Variants in GSDMD observed in about 807,000 individuals in gnomAD.
GSDMD encodes the protein gasdermin D, also known as gasdermin-D.
GSDMD carries 46 observed loss-of-function variants against 46.7 expected under a neutral mutation model. That is an observed-to-expected ratio of 0.99 (90% confidence interval 0.78 to 1.26). The LOEUF (loss-of-function observed/expected upper bound fraction) is 1.26, where lower values mean the gene tolerates loss of function less well. Among genes scored for constraint, GSDMD ranks in the 50% most tolerant of loss-of-function variants. The pLI, the probability that GSDMD is intolerant of heterozygous loss-of-function variation, is 0.00. For missense variants in GSDMD, 649 were observed against 638.8 expected, an observed-to-expected ratio of 1.02 and a Z score of -0.17; for synonymous variants, 307 against 283.1, an observed-to-expected ratio of 1.08 and a Z score of -0.85.
chr8:143,562,076 A>G lies in GSDMD; in HGVS notation c.941A>G (p.Glu314Gly). 6.3e-7 allele frequency: 1 copy of G among 1,595,940 alleles called. No homozygotes were observed. The highest frequency in any genetic ancestry group is 1.3e-5 in the African/African-American group (1 of 74,878). The change falls in exon 8 of 11, where the codon GAG (glutamate) becomes GGG (glycine). Residue 314 changes from glutamate to glycine, a missense_variant. Physicochemically the swap from Glu to Gly is moderately conservative, Grantham distance 98. Coordinates refer to ENST00000262580, the MANE Select transcript of GSDMD (RefSeq NM_024736.7). ...AGAGAGCTGTGCCAGCTGCTGCTGG[A>G]GGGCCTGGAGGGGGTGCTGCGGGAC... ...LDRELCQLLL[E>G]GLEGVLRDQL...
intron 5 of GSDMD, 51 bp downstream of exon 5, chr8:143,561,155 G>A (rs760250661): frequency 6.6e-7 from 1 of 1,520,394 alleles, no homozygotes; most frequent in Non-Finnish European, 9.1e-7. Context: ...AGAGAAACAG[G>A]GAGGCCTGGG....
At position 143,561,749 on chromosome 8, in the gene GSDMD, G is replaced by A. The variant is rs145721470; in HGVS notation, c.744G>A (p.Lys248=). ...RTFQPPATGH[K]RSTSEGAWPQ... ...TCCCATGCCCCTGCCCAGGCCACAA[G>A]CGTTCCACGAGCGAAGGCGCCTGGC... The change falls in exon 7 of 11, where the codon AAG becomes AAA. Residue 248 remains lysine (K), a synonymous_variant. Transcript: ENST00000262580. 8.0e-4 allele frequency: 1,284 copies of A among 1,607,122 alleles called. 1 individual carries two copies. Among genetic ancestry groups the A allele is most frequent in the Non-Finnish European group, 1.0e-3 (1,227 of 1,177,480 alleles).
chr8:143,555,521 C>A (rs1823284396), upstream of GSDMD, among the ~76,000 whole-genome samples: 1 of 152,220 alleles, frequency 6.6e-6, no homozygotes, highest in African/African-American at 2.4e-5. Flanking sequence ...GGGCAGGGAG[C>A]AGCGACCCCC....
upstream of GSDMD, among the ~76,000 whole-genome samples, chr8:143,554,160 C>T (rs1823257884): frequency 6.6e-6 from 1 of 152,270 alleles, no homozygotes; most frequent in Admixed American, 6.5e-5. Flanking sequence ...GCTCCCCTTC[C>T]TGCAGCGGAC....
At chr8:143,560,821 C>T (rs764155040) in intron 4 of GSDMD, 50 bp downstream of exon 4, 11 of 1,462,414 alleles carry the variant, frequency 7.5e-6, no homozygotes, top group East Asian at 2.6e-5. Flanking sequence ...GGGCATGCGG[C>T]GGCGGGTGAC....
At chr8:143,557,522 A>G (rs1163850709), upstream of GSDMD, among the ~76,000 whole-genome samples, 4 of 132,916 alleles carry the variant, frequency 3.0e-5, no homozygotes, top group African/African-American at 1.1e-4. Context: ...TGCTGCCGTG[A>G]ACTTTGGTGC....
chr8:143,554,523 AC>A (rs1823265594), upstream of GSDMD, among the ~76,000 whole-genome samples: 1 of 150,912 alleles, frequency 6.6e-6, no homozygotes, highest in East Asian at 2.0e-4. Context: ...GTGTGTGCTC[AC>A]GTGCACAAAC....
At chr8:143,557,024 G>A (rs558806516), upstream of GSDMD, among the ~76,000 whole-genome samples, 40 of 152,348 alleles carry the variant, frequency 2.6e-4, no homozygotes, top group South Asian at 1.7e-3. Flanking sequence ...CCCGGGCACC[G>A]GCAGCGCCAT....
At chr8:143,562,382 G>A (rs1330014004) in intron 9 of GSDMD, 32 bp downstream of exon 9, 4 of 1,531,362 alleles carry the variant, frequency 2.6e-6, no homozygotes, top group Middle Eastern at 2.3e-4. Flanking sequence ...GTGGCGGGTG[G>A]GAGGGAGGGA....
At chr8:143,558,824 C>T (rs569504068) in intron 1 of GSDMD, 48 of 558,456 alleles carry the variant, frequency 8.6e-5, no homozygotes, top group Admixed American at 4.0e-4. Context: ...AGCGGAGGCC[C>T]GCTATGGCCT....
At chr8:143,561,198 C>A in intron 5 of GSDMD, 94 bp downstream of exon 5, 1 of 1,325,832 alleles carries the variant, frequency 7.5e-7, no homozygotes, top group Non-Finnish European at 1.1e-6. Flanking sequence ...CTGCCGTGGG[C>A]CCCTGGCTGA....
At chr8:143,558,696 G>A (rs1452027899) in intron 1 of GSDMD, 3 of 585,258 alleles carry the variant, frequency 5.1e-6, no homozygotes, top group Non-Finnish European at 6.1e-6. Context: ...CCGGGCCGGT[G>A]CTGTTCCCGC....
At chr8:143,553,842 TGCCCGCAGACGGC>T (rs981676330), upstream of GSDMD, 10 of 147,018 alleles carry the variant, frequency 6.8e-5, 1 homozygote, top group African/African-American at 2.4e-4. Context: ...CTGCCCCTCC[TGCCCGCAGACGGC>T]GCCTGCTTGG....
chr8:143,558,484 G>A lies in GSDMD; in HGVS notation c.-5+33G>A, dbSNP rs1281105145. 4.2e-6 allele frequency: 6 copies of A among 1,445,134 alleles called. No homozygotes were observed. In the African/African-American group the frequency reaches 7.4e-5, roughly 18 times the overall value. 89.5% of individuals were successfully genotyped at this position (1,445,134 alleles called of 1,614,324 possible). On this transcript the variant is annotated intron_variant, in intron 1 of 10. Coordinates refer to ENST00000262580, the MANE Select transcript of GSDMD (RefSeq NM_024736.7). ...GCGCCCCGCCCCCTCCCCCGGCCTG[G>A]CTGGAGCTCCCGAGTGGGGCCGGCC...
At chr8:143,554,988 GGGTA>G, upstream of GSDMD, 1 of 152,266 alleles carries the variant, frequency 6.6e-6, no homozygotes. Flanking sequence ...GTCCAGCCTG[GGGTA>G]CACAGCAGTT....
upstream of GSDMD, chr8:143,557,888 GTTGT>G (rs928966477): frequency 1.7e-4 from 76 of 441,110 alleles, no homozygotes; most frequent in Non-Finnish European, 1.5e-4. Context: ...CAGGCCCAAA[GTTGT>G]TTGTTTGCTT....
rs760561059 is a variant in GSDMD at position 143,563,017 on chromosome 8, G to A, written c.*113G>A. On this transcript the variant is annotated 3_prime_UTR_variant, in exon 11 of 11. Coordinates refer to ENST00000262580, the MANE Select transcript of GSDMD (RefSeq NM_024736.7). ...TAGCCATGTGGCCAGTCTACCATGG[G>A]GCCCAGGAGTTGGGGAAACACAATA... 2 of 1,433,614 alleles carry A rather than the reference G, an allele frequency of 1.4e-6. No individual in the cohort carries two copies. The highest frequency in any genetic ancestry group is 9.6e-7 in the Non-Finnish European group (1 of 1,045,592). 88.8% of individuals were successfully genotyped at this position (1,433,614 alleles called of 1,614,324 possible).
chr8:143,559,933 T>G lies in GSDMD; in HGVS notation c.374T>G (p.Val125Gly). The G allele has an allele frequency of 6.2e-7, 1 of 1,612,758 alleles. No individual in the cohort carries two copies. ...STSMNVYSLS[V>G]DPNTWQTLLH... ...TCAATGAATGTGTACTCGCTGAGTG[T>G]GGACCCTAACACCTGGCAGACTCTG... is the stretch of plus-strand genomic sequence containing the variant. Residue 125 changes from valine to glycine, a missense_variant, in exon 3 of 11, where the codon GTG becomes GGG. By Grantham distance (109) the Val-to-Gly change is moderately radical. Coordinates refer to ENST00000262580, the MANE Select transcript of GSDMD (RefSeq NM_024736.7).
rs147626267 is a variant in GSDMD at position 143,559,418 on chromosome 8, T to C, written c.83T>C (p.Leu28Pro). 1 of 1,612,940 alleles carries C rather than the reference T, an allele frequency of 6.2e-7. No homozygotes were observed. The highest frequency in any genetic ancestry group is 8.5e-7 in the Non-Finnish European group (1 of 1,179,972). ...HGGEFIPVTS[L>P]QSSTGFQPYC... ...GGGGAGTTCATCCCTGTGACCAGCCTGCAGAGCTCCACTGGCTTCCAGCCC... is the reference window on the plus strand; with the variant it reads ...GGGGAGTTCATCCCTGTGACCAGCCCGCAGAGCTCCACTGGCTTCCAGCCC... The change falls in exon 2 of 11, where the codon CTG becomes CCG. Residue 28 changes from leucine to proline, a missense_variant. Leu to Pro is a moderately conservative substitution (Grantham distance 98). Transcript: ENST00000262580.
Sources: gnomAD v4.1 joint callset for allele counts (sites outside exome capture counted in the v4.1 genomes callset) on GRCh38, gnomAD v4.1.1 for gene constraint, MANE v1.5 for transcripts, NCBI Gene and HGNC (gene_info 2026-07-23, HGNC 2026-07-21) for gene names.